The following KLF12 variants were observed in gnomAD, a reference collection of about 807,000 sequenced individuals.
The protein encoded by KLF12 is Krueppel-like factor 12.
A neutral mutation model predicts 37.8 loss-of-function variants in KLF12; 9 were observed. That is an observed-to-expected ratio of 0.24 (90% CI 0.14 to 0.42). KLF12 has a LOEUF of 0.42. KLF12 is among the 10% of genes least tolerant of loss of function. The pLI is 1.00. For synonymous variants in KLF12, 208 were observed against 202.1 expected (o/e 1.03, Z -0.25); for missense variants, 411 against 516.0 (o/e 0.80, Z 1.97).
chr13:73,871,411 C>A (rs1157478709), intron 3 of KLF12, among the ~76,000 whole-genome samples: 1 of 152,026 alleles, frequency 6.6e-6, no homozygotes, highest in Non-Finnish European at 1.5e-5. Flanking sequence ...GTTTCCTGTA[C>A]CATACACTAA....
At chr13:74,199,063 T>A in the KLF12 span, among the ~76,000 whole-genome samples, 1 of 152,070 alleles carries the variant, frequency 6.6e-6, no homozygotes, top group Non-Finnish European at 1.5e-5. Context: ...AGCCCATGAG[T>A]CCACTAGACC....
intron 3 of KLF12, among the ~76,000 whole-genome samples, chr13:73,885,156 T>G (rs149760979): frequency 6.6e-6 from 1 of 152,242 alleles, no homozygotes; most frequent in Non-Finnish European, 1.5e-5. Flanking sequence ...AACAGTGTAT[T>G]TGAAATCTTC....
intron 1 of KLF12, among the ~76,000 whole-genome samples, chr13:74,070,451 G>A (rs1566197704): frequency 6.6e-6 from 1 of 152,198 alleles, no homozygotes; most frequent in East Asian, 1.9e-4. Flanking sequence ...AAGAGGGCAA[G>A]AGTCTTTTCT....
chr13:74,221,571 G>A, the KLF12 span, among the ~76,000 whole-genome samples: 6 of 151,962 alleles, frequency 3.9e-5, no homozygotes, highest in African/African-American at 1.5e-4. Context: ...GAAGAAATTA[G>A]CACAATTATG....
chr13:73,963,426 C>T (rs182276615), intron 2 of KLF12, among the ~76,000 whole-genome samples: 229 of 152,088 alleles, frequency 1.5e-3, no homozygotes, highest in Non-Finnish European at 2.7e-3. Context: ...CCATCGCAGG[C>T]ATTGAGACAC....
intron 1 of KLF12, among the ~76,000 whole-genome samples, chr13:74,044,259 C>A (rs1893481597): frequency 6.6e-6 from 1 of 152,122 alleles, no homozygotes; most frequent in South Asian, 2.1e-4. Context: ...ATGTCCCATT[C>A]CTCATCTGTA....
intron 5 of KLF12, among the ~76,000 whole-genome samples, chr13:73,776,508 T>G (rs1038695569): frequency 6.6e-6 from 1 of 152,136 alleles, no homozygotes; most frequent in Non-Finnish European, 1.5e-5. Flanking sequence ...AGCCCACCAA[T>G]AGGATTGGAC....
intron 5 of KLF12, among the ~76,000 whole-genome samples, chr13:73,804,039 T>G (rs1882432148): frequency 6.6e-6 from 1 of 152,158 alleles, no homozygotes; most frequent in African/African-American, 2.4e-5. Flanking sequence ...GTCTAAAGAA[T>G]AAACTCATCC....
At chr13:73,967,695 G>A (rs535112679) in intron 2 of KLF12, among the ~76,000 whole-genome samples, 7 of 152,216 alleles carry the variant, frequency 4.6e-5, no homozygotes, top group South Asian at 2.1e-4. Flanking sequence ...CACGAGTTTC[G>A]TTTTCTGGAT....
At chr13:74,297,387 C>T in the KLF12 span, among the ~76,000 whole-genome samples, 1 of 152,164 alleles carries the variant, frequency 6.6e-6, no homozygotes, top group East Asian at 1.9e-4. Flanking sequence ...CTTCTCCGAA[C>T]CTTTAATATG....
chr13:73,947,507 C>T (rs1381134594), intron 2 of KLF12, among the ~76,000 whole-genome samples: 2 of 151,904 alleles, frequency 1.3e-5, no homozygotes, highest in African/African-American at 2.4e-5. Context: ...AAAAATTAGC[C>T]AGGCATTGTG....
At position 73,715,444 on chromosome 13, in the gene KLF12, G is replaced by A; in HGVS notation, c.951C>T (p.His317=). The A allele has an allele frequency of 6.2e-7, 1 of 1,614,078 alleles. No homozygotes were observed. The highest frequency in any genetic ancestry group is 8.5e-7 in the Non-Finnish European group (1 of 1,179,950). Residue 317 remains histidine (H), a synonymous_variant, in exon 7 of 8, where the codon CAC becomes CAT. Transcript: ENST00000377669. ...TGTTGCATCCCTCAAAATCACATCT[G>A]TGGATACGCCGTTTTCTGGAGTCTG...
Position 73,995,016 on chromosome 13 carries a change from T to A in KLF12, c.7A>T (p.Ile3Phe). The change falls in exon 2 of 8, where the codon ATC (isoleucine) becomes TTC (phenylalanine). Residue 3 changes from isoleucine (I) to phenylalanine (F), a missense_variant. By Grantham distance (21) the Ile-to-Phe change is conservative (BLOSUM62 0). Coordinates refer to ENST00000377669, the MANE Select transcript of KLF12 (RefSeq NM_007249.5). ...TTTATTGTTTTTCTCTTCATATGGA[T>A]ATTCATTCATCCATTTGTTCTTAGA... 1 of 1,606,328 alleles carries A rather than the reference T, an allele frequency of 6.2e-7. No individual in the cohort carries two copies.
At chr13:74,297,833 A>G in the KLF12 span, among the ~76,000 whole-genome samples, 1 of 152,172 alleles carries the variant, frequency 6.6e-6, no homozygotes, top group Admixed American at 6.5e-5. Context: ...GAAATCTTGT[A>G]TTTTCTCCAC....
intron 2 of KLF12, among the ~76,000 whole-genome samples, chr13:73,975,122 A>G (rs1593797811): frequency 6.6e-6 from 1 of 152,324 alleles, no homozygotes; most frequent in East Asian, 1.9e-4. Context: ...CTAACTAAAT[A>G]TTGAGTATGT....
intron 4 of KLF12, among the ~76,000 whole-genome samples, chr13:73,829,641 C>T (rs1169796317): frequency 6.6e-6 from 1 of 152,116 alleles, no homozygotes; most frequent in African/African-American, 2.4e-5. Context: ...ATGGACACTG[C>T]ATTCTGAAAC....
intron 7 of KLF12, among the ~76,000 whole-genome samples, chr13:73,697,088 A>AACACAC (rs10679066): frequency 0.6 from 89,015 of 149,446 alleles, 27,864 homozygotes; most frequent in Admixed American, 0.7. Flanking sequence ...ATACAACTGC[A>AACACAC]ACACACACAC....
intron 7 of KLF12, among the ~76,000 whole-genome samples, chr13:73,703,696 T>C (rs1483686057): frequency 6.6e-6 from 1 of 152,212 alleles, no homozygotes; most frequent in African/African-American, 2.4e-5. Context: ...CTCATTTAAT[T>C]TTGATAACTT....
chr13:74,071,559 G>A (rs1013765715), intron 1 of KLF12, among the ~76,000 whole-genome samples: 20 of 152,140 alleles, frequency 1.3e-4, no homozygotes, highest in Middle Eastern at 3.4e-3. Flanking sequence ...CGGGCGTGGT[G>A]GCAGGCGCCT....
Sources: gnomAD v4.1 joint callset for allele counts (sites outside exome capture counted in the v4.1 genomes callset) on GRCh38, gnomAD v4.1.1 for gene constraint, MANE v1.5 for transcripts, NCBI Gene and HGNC (gene_info 2026-07-23, HGNC 2026-07-21) for gene names.